Variants in TCEAL7 observed in about 807,000 individuals in gnomAD.
The protein encoded by TCEAL7 is transcription elongation factor A protein-like 7.
For missense variants in TCEAL7, 63 were observed against 77.9 expected, an observed-to-expected ratio of 0.81 and a Z score of 0.72; for synonymous variants, 22 against 25.5, an observed-to-expected ratio of 0.86 and a Z score of 0.42.
Position 103,331,756 on chromosome X carries a change from C to A in TCEAL7, c.*50C>A. The A allele has an allele frequency of 1.0e-6, 1 of 981,533 alleles. No homozygotes were observed. Among genetic ancestry groups the A allele is most frequent in the Non-Finnish European group, 1.4e-6 (1 of 718,775 alleles). The allele number at this position is 981,533 out of a possible 1,213,427, so 80.9% of individuals were successfully genotyped here. On this transcript the variant is annotated 3_prime_UTR_variant, in exon 3 of 3. Transcript: ENST00000332431. The stretch of plus-strand genomic sequence containing the variant: ...TTTTCTGTTATTAATGTTGCCACTG[C>A]TTTCTGTTTGTCTGCACTTTCTTGA...
chrX:103,331,388 A>AAAC lies in TCEAL7; in HGVS notation c.-5_-3dup. 1 of 1,154,410 alleles carries AAAC rather than the reference A, an allele frequency of 8.7e-7. No individual in the cohort carries two copies. Among genetic ancestry groups the AAAC allele is most frequent in the Non-Finnish European group, 1.2e-6 (1 of 868,851 alleles). Reference sequence around the variant, plus strand: ...CATTTTCTCCCTAGAGTTAAGCAGGAAACAACAACAACATCATGCAAAAAC... The same window carrying AAAC: ...CATTTTCTCCCTAGAGTTAAGCAGGAAACAACAACAACAACATCATGCAAAAAC... On this transcript the variant is annotated 5_prime_UTR_variant, in exon 3 of 3. Transcript: ENST00000332431.
Position 103,331,615 on chromosome X carries a change from G to A in TCEAL7, c.212G>A (p.Arg71Lys), listed in dbSNP as rs182214433. ...EMTREGDEMERCLEEIRGLRK... is the reference protein window; with the variant it reads ...EMTREGDEMEKCLEEIRGLRK... Reference sequence around the variant, plus strand: ...ACAAGGGAGGGAGATGAGATGGAAAGGTGTTTGGAAGAGATAAGGGGTCTG... The same window carrying A: ...ACAAGGGAGGGAGATGAGATGGAAAAGTGTTTGGAAGAGATAAGGGGTCTG... The change falls in exon 3 of 3, where the codon AGG (arginine) becomes AAG (lysine). Residue 71 changes from arginine to lysine, a missense_variant. Arg to Lys is a conservative substitution (Grantham distance 26). Transcript: ENST00000332431. 1.7e-5 allele frequency: 21 copies of A among 1,206,746 alleles called. No homozygotes were observed. In the East Asian group the frequency reaches 4.7e-4, roughly 27 times the overall value.
chrX:103,331,489 A>G lies in TCEAL7; in HGVS notation c.86A>G (p.Glu29Gly). 1 of 1,210,218 alleles carries G rather than the reference A, an allele frequency of 8.3e-7. No homozygotes were observed. Among genetic ancestry groups the G allele is most frequent in the East Asian group, 3.0e-5 (1 of 33,817 alleles). ...GAAAAACGCCCGTATGGAGAATTTG[A>G]ACGCCAGCAAACAGAAGGGAATTTT... ...REEKRPYGEF[E>G]RQQTEGNFRQ... Residue 29 changes from glutamate (E) to glycine (G), a missense_variant, in exon 3 of 3, where the codon GAA becomes GGA. By Grantham distance (98) the Glu-to-Gly change is moderately conservative. Transcript: ENST00000332431.
In TCEAL7 at chrX:103,331,794, A is replaced by G. The variant is rs918437897; in HGVS notation, c.*88A>G. On this transcript the variant is annotated 3_prime_UTR_variant, in exon 3 of 3. Transcript: ENST00000332431. ...TGCACTTTCTTGATAAATATTTGCT[A>G]TCGTTTTACTCCAGTCATTCGATGT... 1 of 745,924 alleles carries G rather than the reference A, an allele frequency of 1.3e-6. No individual in the cohort carries two copies. Among genetic ancestry groups the G allele is most frequent in the African/African-American group, 2.1e-5 (1 of 47,107 alleles). The allele number at this position is 745,924 out of a possible 1,213,427, so 61.5% of individuals were successfully genotyped here.
In TCEAL7 at chrX:103,331,451, G is replaced by A; in HGVS notation, c.48G>A (p.Val16=). 1 of 1,201,147 alleles carries A rather than the reference G, an allele frequency of 8.3e-7. No individual in the cohort carries two copies. ...KENEGKPKCS[V]PKREEKRPYG... Reference sequence around the variant, plus strand: ...ACGAAGGAAAGCCAAAGTGCAGCGTGCCAAAGAGGGAGGAAAAACGCCCGT... The same window carrying A: ...ACGAAGGAAAGCCAAAGTGCAGCGTACCAAAGAGGGAGGAAAAACGCCCGT... Residue 16 remains valine, a synonymous_variant, in exon 3 of 3, where the codon GTG becomes GTA. Coordinates refer to ENST00000332431, the MANE Select transcript of TCEAL7 (RefSeq NM_152278.5).
At chrX:103,331,276 G>T (rs1168491752) in intron 2 of TCEAL7, 101 bp from the exon 3 acceptor site, 1 of 703,172 alleles carries the variant, frequency 1.4e-6, no homozygotes, top group Non-Finnish European at 2.0e-6. Flanking sequence ...ATGAGGTCTG[G>T]ACCTGTGGGG....
rs369075199 is a variant in TCEAL7, at chrX:103,331,445, C to T, written c.42C>T (p.Cys14=). The T allele has an allele frequency of 1.0e-4, 125 of 1,196,138 alleles. No homozygotes were observed. The highest frequency in any genetic ancestry group is 1.4e-4 in the Non-Finnish European group (123 of 888,274). The change falls in exon 3 of 3, where the codon TGC becomes TGT. Residue 14 remains cysteine (C), a synonymous_variant. Transcript: ENST00000332431. The stretch of plus-strand genomic sequence containing the variant: ...AAGAAAACGAAGGAAAGCCAAAGTG[C>T]AGCGTGCCAAAGAGGGAGGAAAAAC... The part of the protein sequence containing the change: ...PCKENEGKPK[C]SVPKREEKRP...
At chrX:103,331,262 A>G in intron 2 of TCEAL7, 115 bp from the exon 3 acceptor site, 1 of 597,039 alleles carries the variant, frequency 1.7e-6, no homozygotes, top group Non-Finnish European at 2.5e-6. Flanking sequence ...ACTGCCGCAG[A>G]CTTATGAGGT....
In TCEAL7 at chrX:103,331,691, T is replaced by C; in HGVS notation, c.288T>C (p.Arg96=). Residue 96 remains arginine, a synonymous_variant, in exon 3 of 3, where the codon CGT becomes CGC. Transcript: ENST00000332431. ...LHSNHRHSRD[R]PYPI ...CTAACCATAGGCATTCTCGGGACCG[T>C]CCTTATCCCATTTAATTAATTTCTC... is the stretch of plus-strand genomic sequence containing the variant. 8.5e-7 allele frequency: 1 copy of C among 1,171,834 alleles called. No homozygotes were observed. The highest frequency in any genetic ancestry group is 1.1e-6 in the Non-Finnish European group (1 of 875,843).
rs367829609 is a variant in TCEAL7, at chrX:103,332,080, CT to C, written c.*383del. ...TTAACAGTGAATCTCTGTGTGATCT[CT>C]TTTTTTTTCTTTTTGCCTATCTGCA... On this transcript the variant is annotated 3_prime_UTR_variant, in exon 3 of 3. Coordinates refer to ENST00000332431, the MANE Select transcript of TCEAL7 (RefSeq NM_152278.5). 124 of 131,845 alleles carry C rather than the reference CT, an allele frequency of 9.4e-4. No homozygotes were observed. The highest frequency in any genetic ancestry group is 3.5e-3 in the African/African-American group (109 of 30,798). The allele number at this position is 131,845 out of a possible 1,213,427, so 10.9% of individuals were successfully genotyped here.
chrX:103,331,436 G>C lies in TCEAL7; in HGVS notation c.33G>C (p.Lys11Asn). 8.4e-7 allele frequency: 1 copy of C among 1,187,822 alleles called. No homozygotes were observed. MQKPCKENEG[K>N]PKCSVPKREE... ...AACCCTGCAAAGAAAACGAAGGAAA[G>C]CCAAAGTGCAGCGTGCCAAAGAGGG... The change falls in exon 3 of 3, where the codon AAG (lysine) becomes AAC (asparagine). Residue 11 changes from lysine to asparagine, a missense_variant. Physicochemically the swap from Lys to Asn is moderately conservative, Grantham distance 94. Coordinates refer to ENST00000332431, the MANE Select transcript of TCEAL7 (RefSeq NM_152278.5).
chrX:103,331,608 A>T lies in TCEAL7; in HGVS notation c.205A>T (p.Met69Leu). The stretch of plus-strand genomic sequence containing the variant: ...AGAAATGACAAGGGAGGGAGATGAG[A>T]TGGAAAGGTGTTTGGAAGAGATAAG... ...DEEMTREGDE[M>L]ERCLEEIRGL... The change falls in exon 3 of 3, where the codon ATG becomes TTG. Residue 69 changes from methionine to leucine, a missense_variant. Met to Leu is a conservative substitution (Grantham distance 15). Transcript: ENST00000332431. 5 of 1,207,760 alleles carry T rather than the reference A, an allele frequency of 4.1e-6. No homozygotes were observed. The highest frequency in any genetic ancestry group is 5.6e-6 in the Non-Finnish European group (5 of 892,037).
At chrX:103,331,297 A>C (rs1261101196) in intron 2 of TCEAL7, 80 bp from the exon 3 acceptor site, 1 of 869,395 alleles carries the variant, frequency 1.2e-6, no homozygotes, top group Non-Finnish European at 1.6e-6. Context: ...CAGAGATGGG[A>C]AAGTATCTTG....
chrX:103,331,413 C>T lies in TCEAL7; in HGVS notation c.10C>T (p.Pro4Ser). Residue 4 changes from proline to serine, a missense_variant, in exon 3 of 3, where the codon CCC becomes TCC. Coordinates refer to ENST00000332431, the MANE Select transcript of TCEAL7 (RefSeq NM_152278.5). MQK[P>S]CKENEGKPKC... ...AAACAACAACAACATCATGCAAAAACCCTGCAAAGAAAACGAAGGAAAGCC... is the reference window on the plus strand; with the variant it reads ...AAACAACAACAACATCATGCAAAAATCCTGCAAAGAAAACGAAGGAAAGCC... The T allele has an allele frequency of 8.5e-7, 1 of 1,176,105 alleles. No individual in the cohort carries two copies. The highest frequency in any genetic ancestry group is 1.1e-6 in the Non-Finnish European group (1 of 878,733).
At chrX:103,331,240 A>G in intron 2 of TCEAL7, 137 bp from the exon 3 acceptor site, 1 of 473,337 alleles carries the variant, frequency 2.1e-6, no homozygotes, top group African/African-American at 2.4e-5. Flanking sequence ...GGGAGATGAG[A>G]GGGTGGAGGG....
rs763659430 is a variant in TCEAL7 at position 103,331,663 on chromosome X, A to G, written c.260A>G (p.His87Arg). 6 of 1,209,504 alleles carry G rather than the reference A, an allele frequency of 5.0e-6. No individual in the cohort carries two copies. The highest frequency in any genetic ancestry group is 6.7e-6 in the Non-Finnish European group (6 of 894,244). ...CTGAGAAAGAAATTTAGGGCTCTGC[A>G]TTCTAACCATAGGCATTCTCGGGAC... ...RGLRKKFRAL[H>R]SNHRHSRDRP... Residue 87 changes from histidine (H) to arginine (R), a missense_variant, in exon 3 of 3, where the codon CAT becomes CGT. Coordinates refer to ENST00000332431, the MANE Select transcript of TCEAL7 (RefSeq NM_152278.5).
At position 103,331,727 on chromosome X, in the gene TCEAL7, A is replaced by G. The variant is rs200199254; in HGVS notation, c.*21A>G. On this transcript the variant is annotated 3_prime_UTR_variant, in exon 3 of 3. Transcript: ENST00000332431. ...TTTAATTAATTTCTCTGACAATTCA[A>G]TTATTTTCTGTTATTAATGTTGCCA... 3.0e-5 allele frequency: 33 copies of G among 1,110,203 alleles called. No homozygotes were observed. The East Asian group carries it at 4.5e-4, about 15-fold the overall frequency. 91.5% of individuals were successfully genotyped at this position (1,110,203 alleles called of 1,213,427 possible).
intron 2 of TCEAL7, 34 bp from the exon 3 acceptor site, chrX:103,331,343 A>G (rs1926510874): frequency 9.5e-7 from 1 of 1,057,799 alleles, no homozygotes. Flanking sequence ...ATTCAAAAGT[A>G]ATGAAGCAAT....
intron 2 of TCEAL7, among the ~76,000 whole-genome samples, 164 bp from the exon 3 acceptor site, chrX:103,331,213 T>G (rs936147965): frequency 9.3e-6 from 1 of 108,032 alleles, no homozygotes; most frequent in Non-Finnish European, 1.9e-5. Flanking sequence ...GTTCCTGAGG[T>G]GGGAGGGGAG....
Sources: allele counts gnomAD v4.1 joint callset (sites outside exome capture counted in the v4.1 genomes callset), GRCh38; gene constraint gnomAD v4.1.1; transcripts MANE v1.5; gene names NCBI Gene and HGNC (gene_info 2026-07-23, HGNC 2026-07-21).